UHRF1: variants seen among roughly 807,000 people sequenced by gnomAD.
UHRF1 encodes the protein ubiquitin like with PHD and ring finger domains 1.
A neutral mutation model predicts 96.5 loss-of-function variants in UHRF1; 9 were observed. The ratio of observed to expected loss-of-function variants is 0.09; its 90% CI spans 0.06 to 0.16. UHRF1 has a LOEUF of 0.16. UHRF1 is among the 10% of genes least tolerant of loss of function. The pLI is 1.00. For synonymous variants in UHRF1, 455 were observed against 469.9 expected, an observed-to-expected ratio of 0.97 and a Z score of 0.41; for missense variants, 626 against 1,131.1, an observed-to-expected ratio of 0.55 and a Z score of 6.40.
intron 2 of UHRF1, among the ~76,000 whole-genome samples, chr19:4,914,984 G>A (rs1033691759): frequency 4.6e-5 from 7 of 152,200 alleles, no homozygotes; most frequent in Non-Finnish European, 8.8e-5. Flanking sequence ...GGCTGGGACC[G>A]TCCTGGGCAC....
At chr19:4,937,570 G>T (rs1182960627) in intron 5 of UHRF1, among the ~76,000 whole-genome samples, 1 of 151,976 alleles carries the variant, frequency 6.6e-6, no homozygotes, top group Non-Finnish European at 1.5e-5. Context: ...CTCCATGTTG[G>T]CCAGGCTGAT....
rs955378937 is a variant in UHRF1, at chr19:4,951,115, A to C, written c.1818+119A>C. 20 of 1,337,198 alleles carry C rather than the reference A, an allele frequency of 1.5e-5. No homozygotes were observed. The African/African-American group carries it at 2.8e-4, about 19-fold the overall frequency. The allele number at this position is 1,337,198 out of a possible 1,614,324, so 82.8% of individuals were successfully genotyped here. A position where few individuals can be genotyped will look rare whatever the true frequency, so the allele number is the denominator to read the frequency against. On this transcript the variant is annotated intron_variant, in intron 13 of 16. Coordinates refer to ENST00000650932, the MANE Select transcript of UHRF1 (RefSeq NM_001048201.3). The stretch of plus-strand genomic sequence containing the variant: ...ACCTCATCTCTACTAAAAATACAAA[A>C]ATTAGCTGGGTATGGTGGCGGGTGC...
upstream of UHRF1, among the ~76,000 whole-genome samples, chr19:4,907,397 T>C (rs1018968113): frequency 6.6e-6 from 1 of 151,982 alleles, no homozygotes; most frequent in African/African-American, 2.4e-5. Context: ...GCTTCCCGAG[T>C]AGCTGGGATT....
In UHRF1 at chr19:4,939,826, C is replaced by T. The variant is rs1436965037; in HGVS notation, c.786-1702C>T. Among the ~76,000 whole-genome samples the T allele has an allele frequency of 2.0e-5, 3 of 152,090 alleles. 1 individual carries two copies. The highest frequency in any genetic ancestry group is 6.6e-5 in the Admixed American group (1 of 15,250). On this transcript the variant is annotated intron_variant, in intron 5 of 16. Coordinates refer to ENST00000650932, the MANE Select transcript of UHRF1 (RefSeq NM_001048201.3). ...GATCACAAGGTCAGGAGATCGAGACCATCCTGGCAAACACGGTGAAACCCC... is the reference window on the plus strand; with the variant it reads ...GATCACAAGGTCAGGAGATCGAGACTATCCTGGCAAACACGGTGAAACCCC...
intron 12 of UHRF1, 29 bp downstream of exon 12, chr19:4,950,802 T>G (rs1205948441): frequency 6.2e-7 from 1 of 1,613,870 alleles, no homozygotes; most frequent in Non-Finnish European, 8.5e-7. Flanking sequence ...GGCCGGGGGC[T>G]CTGTCCCCGC....
At chr19:4,949,473 G>GAC (rs10580944) in intron 11 of UHRF1, among the ~76,000 whole-genome samples, 32,601 of 147,668 alleles carry the variant, frequency 0.22, 3,831 homozygotes, top group African/African-American at 0.32. Flanking sequence ...TTGGCACATA[G>GAC]ACACACACAC....
At chr19:4,955,554 T>C (rs1185176054) in intron 15 of UHRF1, among the ~76,000 whole-genome samples, 1 of 152,092 alleles carries the variant, frequency 6.6e-6, no homozygotes, top group Non-Finnish European at 1.5e-5. Context: ...GGTCTCAGGA[T>C]TCAGCTGTGG....
upstream of UHRF1, chr19:4,909,164 G>C (rs773061698): frequency 2.8e-6 from 1 of 353,382 alleles, no homozygotes; most frequent in Admixed American, 5.2e-5. Context: ...TGGTCAATGC[G>C]TGCGAGTGGG....
chr19:4,923,280 G>C (rs1040180698), intron 2 of UHRF1, among the ~76,000 whole-genome samples: 1 of 152,074 alleles, frequency 6.6e-6, no homozygotes, highest in South Asian at 2.1e-4. Context: ...GGCTCCGTCT[G>C]CTCCTCCTGC....
At chr19:4,923,639 G>A (rs1347672705) in intron 2 of UHRF1, among the ~76,000 whole-genome samples, 2 of 152,186 alleles carry the variant, frequency 1.3e-5, no homozygotes, top group African/African-American at 2.4e-5. Context: ...CGTGGCCTTC[G>A]GACACATGTG....
At chr19:4,921,831 T>C (rs921718614) in intron 2 of UHRF1, among the ~76,000 whole-genome samples, 4 of 152,180 alleles carry the variant, frequency 2.6e-5, no homozygotes, top group Admixed American at 6.6e-5. Flanking sequence ...CGTAATGACA[T>C]GGATGGAATC....
chr19:4,917,073 G>T (rs1314066619), intron 2 of UHRF1, among the ~76,000 whole-genome samples: 12 of 150,472 alleles, frequency 8.0e-5, no homozygotes, highest in Middle Eastern at 3.4e-3. Flanking sequence ...AGCTCGGTGG[G>T]GGGGGGGGGT....
At chr19:4,926,124 G>C (rs966981001) in intron 2 of UHRF1, among the ~76,000 whole-genome samples, 20 of 150,542 alleles carry the variant, frequency 1.3e-4, no homozygotes, top group South Asian at 1.0e-3. Flanking sequence ...TTGAACTCCT[G>C]ACCTCGTGAT....
intron 5 of UHRF1, among the ~76,000 whole-genome samples, chr19:4,940,359 A>ATTTTTTTTTTTTTTTTTT: frequency 1.5e-5 from 1 of 67,064 alleles, no homozygotes; most frequent in Non-Finnish European, 2.7e-5. Flanking sequence ...TGCCTTTATG[A>ATTTTTTTTTTTTTTTTTT]TTTTTTTTTT....
At chr19:4,908,939 C>G (rs528919424), upstream of UHRF1, among the ~76,000 whole-genome samples, 17 of 152,108 alleles carry the variant, frequency 1.1e-4, no homozygotes, top group Non-Finnish European at 2.5e-4. Flanking sequence ...CAGCCCTGCC[C>G]GCCTGGACAG....
At chr19:4,945,510 C>T (rs865846992) in intron 9 of UHRF1, among the ~76,000 whole-genome samples, 4 of 152,114 alleles carry the variant, frequency 2.6e-5, no homozygotes, top group East Asian at 3.9e-4. Flanking sequence ...CCACCCACCT[C>T]GGCCCCCGAA....
chr19:4,930,360 G>A lies in UHRF1; in HGVS notation c.409-356G>A, dbSNP rs1256503085. 6.6e-6 allele frequency among the ~76,000 whole-genome samples: 1 copy of A among 152,012 alleles called. No individual in the cohort carries two copies. Among genetic ancestry groups the A allele is most frequent in the Non-Finnish European group, 1.5e-5 (1 of 67,986 alleles). On this transcript the variant is annotated intron_variant, in intron 3 of 16. Coordinates refer to ENST00000650932, the MANE Select transcript of UHRF1 (RefSeq NM_001048201.3). The surrounding 1 kb of genome is among the most constrained non-coding windows in gnomAD (Gnocchi z 4.4). Reference sequence around the variant, plus strand: ...GGGGCTCAAGCGATCCACCTGCCTCGGCCTCCCAAAGTGCTGGTATTCCAG... The same window carrying A: ...GGGGCTCAAGCGATCCACCTGCCTCAGCCTCCCAAAGTGCTGGTATTCCAG...
chr19:4,907,121 T>A (rs1156383779), upstream of UHRF1, among the ~76,000 whole-genome samples: 1 of 152,184 alleles, frequency 6.6e-6, no homozygotes, highest in Non-Finnish European at 1.5e-5. Flanking sequence ...ACACATTTAT[T>A]TATTTGTTGA....
chr19:4,917,208 T>C (rs997964378), intron 2 of UHRF1, among the ~76,000 whole-genome samples: 1 of 151,712 alleles, frequency 6.6e-6, no homozygotes, highest in Non-Finnish European at 1.5e-5. Context: ...CCTCCCATCT[T>C]GACTTCCCAA....
Sources: gnomAD v4.1 joint callset for allele counts (sites outside exome capture counted in the v4.1 genomes callset) on GRCh38, gnomAD v4.1.1 for gene constraint, Gnocchi (gnomAD v3.1) non-coding constraint, MANE v1.5 for transcripts, NCBI Gene and HGNC (gene_info 2026-07-23, HGNC 2026-07-21) for gene names.